The following PDE4B variants were observed in gnomAD, a reference collection of about 807,000 sequenced individuals.
PDE4B encodes the protein phosphodiesterase 4B.
PDE4B carries 20 observed loss-of-function variants against 82.2 expected under a neutral mutation model. The observed-to-expected ratio is 0.24, with a 90% CI of 0.17 to 0.35. The LOEUF is 0.35. Among genes scored for constraint, PDE4B ranks in the 10% least tolerant of loss-of-function variants. The pLI, the probability that PDE4B is intolerant of heterozygous loss-of-function variation, is 1.00. For synonymous variants in PDE4B, 320 were observed against 318.9 expected (o/e 1.00, Z -0.04); for missense variants, 655 against 907.2 (o/e 0.72, Z 3.57).
intron 7 of PDE4B, among the ~76,000 whole-genome samples, chr1:66,270,698 G>A (rs764623070): frequency 6.6e-6 from 1 of 151,754 alleles, no homozygotes; most frequent in Non-Finnish European, 1.5e-5. Context: ...CAACACTTAC[G>A]GACAAATAGG....
intron 3 of PDE4B, among the ~76,000 whole-genome samples, chr1:66,119,990 A>G (rs897219077): frequency 1.3e-5 from 2 of 152,190 alleles, no homozygotes; most frequent in Non-Finnish European, 2.9e-5. Flanking sequence ...TATATCCCTC[A>G]GAGGGGATGA....
At chr1:65,980,299 AAT>A (rs894936462) in intron 3 of PDE4B, among the ~76,000 whole-genome samples, 1 of 152,212 alleles carries the variant, frequency 6.6e-6, no homozygotes, top group African/African-American at 2.4e-5. Flanking sequence ...GGGTTAAAAC[AAT>A]ATGTTTTATA....
chr1:66,027,707 T>C (rs916991816), intron 3 of PDE4B, among the ~76,000 whole-genome samples: 1 of 152,132 alleles, frequency 6.6e-6, no homozygotes, highest in Non-Finnish European at 1.5e-5. Flanking sequence ...TGGGAGAGAT[T>C]GGCCAAAACA....
At chr1:66,110,919 GA>G (rs564876073) in intron 3 of PDE4B, among the ~76,000 whole-genome samples, 2 of 133,932 alleles carry the variant, frequency 1.5e-5, no homozygotes, top group African/African-American at 5.0e-5. Context: ...AAAAGCTTTG[GA>G]AAAGCAGAAT....
At chr1:65,915,917 G>A (rs182061760) in intron 2 of PDE4B, among the ~76,000 whole-genome samples, 1 of 152,274 alleles carries the variant, frequency 6.6e-6, no homozygotes, top group Admixed American at 6.5e-5. Flanking sequence ...GTGATTTCCA[G>A]AGGTAACATT....
intron 3 of PDE4B, among the ~76,000 whole-genome samples, chr1:66,155,557 A>G (rs973956796): frequency 2.6e-5 from 4 of 151,990 alleles, no homozygotes; most frequent in Non-Finnish European, 4.4e-5. Context: ...CTGATTTTAT[A>G]TTGTTACCTA....
intron 16 of PDE4B, among the ~76,000 whole-genome samples, chr1:66,369,636 C>T (rs1429304007): frequency 1.3e-5 from 2 of 152,124 alleles, no homozygotes; most frequent in African/African-American, 4.8e-5. Flanking sequence ...TTCAAGAAAA[C>T]GAATGGGCTG....
At chr1:66,106,329 A>G (rs1645354774) in intron 3 of PDE4B, among the ~76,000 whole-genome samples, 1 of 151,782 alleles carries the variant, frequency 6.6e-6, no homozygotes, top group Non-Finnish European at 1.5e-5. Flanking sequence ...GTGCTGCTGG[A>G]TTTGGTTTGC....
At chr1:65,816,160 C>T (rs1274478839) in intron 1 of PDE4B, among the ~76,000 whole-genome samples, 2 of 140,888 alleles carry the variant, frequency 1.4e-5, no homozygotes, top group Admixed American at 7.1e-5. Flanking sequence ...CAGTGTGATT[C>T]CTGTTTCTGT....
chr1:66,273,825 G>A (rs1458075073), intron 7 of PDE4B, among the ~76,000 whole-genome samples: 4 of 152,224 alleles, frequency 2.6e-5, no homozygotes, highest in South Asian at 4.1e-4. Flanking sequence ...CTCATGTTCA[G>A]CTTTGTTAAG....
intron 3 of PDE4B, among the ~76,000 whole-genome samples, chr1:66,238,287 A>C (rs1652621289): frequency 6.6e-6 from 1 of 152,218 alleles, no homozygotes. Flanking sequence ...TGGAACAGAA[A>C]GGAAGCTTCT....
At chr1:66,093,855 T>C (rs765538940) in intron 3 of PDE4B, among the ~76,000 whole-genome samples, 7 of 152,036 alleles carry the variant, frequency 4.6e-5, no homozygotes, top group Non-Finnish European at 8.8e-5. Context: ...GCCGCTCATA[T>C]CATTAAGACA....
intron 1 of PDE4B, among the ~76,000 whole-genome samples, chr1:65,804,085 T>C (rs918785456): frequency 1.3e-5 from 2 of 152,194 alleles, no homozygotes; most frequent in Non-Finnish European, 2.9e-5. Context: ...TTTTCCTCTT[T>C]AGGCTTTTTA....
chr1:65,910,228 G>A (rs1647074480), intron 1 of PDE4B, among the ~76,000 whole-genome samples: 1 of 152,182 alleles, frequency 6.6e-6, no homozygotes, highest in Non-Finnish European at 1.5e-5. Flanking sequence ...TAAACAAAAG[G>A]CAGCAGAGGT....
At chr1:66,334,791 A>G (rs1364066688) in intron 8 of PDE4B, among the ~76,000 whole-genome samples, 1 of 152,238 alleles carries the variant, frequency 6.6e-6, no homozygotes, top group Admixed American at 6.5e-5. Flanking sequence ...TGAGCATAAC[A>G]TGCACCATGA....
intron 3 of PDE4B, among the ~76,000 whole-genome samples, chr1:66,189,616 T>A (rs547916732): frequency 6.6e-6 from 1 of 152,378 alleles, no homozygotes; most frequent in East Asian, 1.9e-4. Flanking sequence ...CTCTTCCAGT[T>A]GATCGAATAG....
chr1:66,190,385 G>A (rs1272937126), intron 3 of PDE4B, among the ~76,000 whole-genome samples: 8 of 152,218 alleles, frequency 5.3e-5, no homozygotes, highest in Non-Finnish European at 1.2e-4. Context: ...ATTGAAGTCT[G>A]CAGAGGTTTT....
chr1:66,244,574 CGT>C (rs1219255256), intron 3 of PDE4B, among the ~76,000 whole-genome samples: 1 of 152,116 alleles, frequency 6.6e-6, no homozygotes, highest in Non-Finnish European at 1.5e-5. Context: ...ATCTGTGGGA[CGT>C]ATTGTGATGT....
intron 1 of PDE4B, among the ~76,000 whole-genome samples, chr1:65,892,435 G>A (rs998808306): frequency 2.0e-5 from 3 of 152,040 alleles, no homozygotes; most frequent in African/African-American, 7.2e-5. Context: ...GAATCACCAA[G>A]CAAAACATGC....
Sources: gnomAD v4.1 joint callset for allele counts (sites outside exome capture counted in the v4.1 genomes callset) on GRCh38, gnomAD v4.1.1 for gene constraint, MANE v1.5 for transcripts, NCBI Gene and HGNC (gene_info 2026-07-23, HGNC 2026-07-21) for gene names.